Variants in KATNA1 observed in about 807,000 individuals in gnomAD.
KATNA1 encodes katanin catalytic subunit A1.
Under a neutral mutation model 62.6 loss-of-function variants are expected in KATNA1, and 42 were observed. The observed-to-expected ratio is 0.67, with a 90% CI of 0.52 to 0.87. KATNA1 has a LOEUF of 0.87. Ranked by LOEUF, KATNA1 falls within the 40% of genes least tolerant of loss-of-function variation. The probability of loss-of-function intolerance (pLI) is 0.00; values close to 1 mark genes in which losing one functional copy is unlikely to be tolerated. For missense variants in KATNA1, 498 were observed against 612.5 expected (o/e 0.81, Z 1.97); for synonymous variants, 186 against 201.9 (o/e 0.92, Z 0.67).
At chr6:149,626,760 G>T (rs1779626370) in intron 3 of KATNA1, among the ~76,000 whole-genome samples, 1 of 151,218 alleles carries the variant, frequency 6.6e-6, no homozygotes, top group Non-Finnish European at 1.5e-5. Context: ...GAGGCAGGTG[G>T]ATCACCTGAG....
Position 149,595,020 on chromosome 6 carries a change from GTT to G in KATNA1, c.*14_*15del. On this transcript the variant is annotated 3_prime_UTR_variant, in exon 11 of 11. Transcript: ENST00000367411. ...AAACACTTAAGGCACATTTCTCACA[GTT>G]TACATGTGAGAATTTAGCATGATCC... The G allele has an allele frequency of 6.3e-7, 1 of 1,586,500 alleles. No homozygotes were observed. Among genetic ancestry groups the G allele is most frequent in the South Asian group, 1.1e-5 (1 of 90,494 alleles).
chr6:149,647,879 T>A (rs888434918), intron 1 of KATNA1, among the ~76,000 whole-genome samples: 1 of 152,236 alleles, frequency 6.6e-6, no homozygotes, highest in Admixed American at 6.5e-5. Flanking sequence ...GATTATCCAC[T>A]GTAAGGCACT....
intron 10 of KATNA1, among the ~76,000 whole-genome samples, chr6:149,596,580 T>C (rs1047137287): frequency 2.6e-5 from 4 of 151,968 alleles, no homozygotes; most frequent in African/African-American, 9.7e-5. Context: ...TCATCTTTTT[T>C]TTTTTTCTTT....
intron 5 of KATNA1, 29 bp downstream of exon 5, chr6:149,604,631 AC>A (rs748568671): frequency 3.1e-6 from 5 of 1,611,830 alleles, no homozygotes; most frequent in Non-Finnish European, 3.4e-6. Flanking sequence ...CATCACCAGC[AC>A]CCAATTATTT....
At position 149,594,974 on chromosome 6, in the gene KATNA1, GA is replaced by G. The variant is rs1778240539; in HGVS notation, c.*61del. On this transcript the variant is annotated 3_prime_UTR_variant, in exon 11 of 11. Transcript: ENST00000367411. ...AAAAAAATATAGCACTCAGTACAAT[GA>G]ATTACTGCATTTAATATTCAAACAC... 1.5e-6 allele frequency: 2 copies of G among 1,309,070 alleles called. No homozygotes were observed. Among genetic ancestry groups the G allele is most frequent in the Admixed American group, 1.8e-5 (1 of 56,116 alleles). The allele number at this position is 1,309,070 out of a possible 1,614,324, so 81.1% of individuals were successfully genotyped here.
rs201603433 is a variant in KATNA1 at position 149,640,528 on chromosome 6, GT to G, written c.-13-1969del. On this transcript the variant is annotated intron_variant, in intron 1 of 10. Coordinates refer to ENST00000367411, the MANE Select transcript of KATNA1 (RefSeq NM_007044.4). ...GATGATTTCTGTAAGTATGGTGGGG[GT>G]TTTTTTGGGTTTTTTTGGGTTTTGT... 4.6e-3 allele frequency among the ~76,000 whole-genome samples: 687 copies of G among 150,402 alleles called. 4 individuals carry two copies. Among genetic ancestry groups the G allele is most frequent in the African/African-American group, 0.016 (655 of 40,378 alleles).
chr6:149,602,782 C>T (rs923561892), intron 6 of KATNA1, among the ~76,000 whole-genome samples: 1 of 149,504 alleles, frequency 6.7e-6, no homozygotes, highest in Non-Finnish European at 1.5e-5. Context: ...AGTGCAATGG[C>T]GTGATCTCAG....
intron 3 of KATNA1, among the ~76,000 whole-genome samples, chr6:149,630,346 C>A (rs1408261437): frequency 6.6e-6 from 1 of 152,126 alleles, no homozygotes; most frequent in Non-Finnish European, 1.5e-5. Context: ...ATAAAAGTTG[C>A]GGCTGGGTGC....
At chr6:149,602,148 C>T (rs1353567086) in intron 6 of KATNA1, among the ~76,000 whole-genome samples, 5 of 152,060 alleles carry the variant, frequency 3.3e-5, no homozygotes, top group Admixed American at 2.6e-4. Flanking sequence ...AGGCAGATCA[C>T]GAGGTCAGGA....
In KATNA1 at chr6:149,648,586, CG is replaced by C. The variant is rs570287386; in HGVS notation, c.-132del. On this transcript the variant is annotated 5_prime_UTR_variant, in exon 1 of 11. Transcript: ENST00000367411. ...ACCCAGTCCAGCCCACTTTGCTCTC[CG>C]CTCACGGCCCCAGTACTGCCCAGTT... 2.0e-5 allele frequency: 3 copies of C among 152,524 alleles called. No individual in the cohort carries two copies. The South Asian group carries it at 6.2e-4, about 32-fold the overall frequency. The allele number at this position is 152,524 out of a possible 1,614,324, so 9.4% of individuals were successfully genotyped here.
Position 149,597,100 on chromosome 6 carries a change from C to T in KATNA1, c.1240G>A (p.Glu414Lys). ...GTAATGTCCGCACCTGAATAACCTT[C>T]CATGTTTTCTGCTATACTTGCAAGG... ...VDLASIAENM[E>K]GYSGADITNV... The change falls in exon 10 of 11, where the codon GAA (glutamate) becomes AAA (lysine). Residue 414 changes from glutamate (E) to lysine (K), a missense_variant. Glu to Lys is a moderately conservative substitution (Grantham distance 56, BLOSUM62 1). Around this residue, in one of 3 missense-constraint regions of KATNA1, gnomAD observed 267 missense variants for 372.6 expected, o/e 0.72. Coordinates refer to ENST00000367411, the MANE Select transcript of KATNA1 (RefSeq NM_007044.4). 6.2e-7 allele frequency: 1 copy of T among 1,614,140 alleles called. No individual in the cohort carries two copies. Among genetic ancestry groups the T allele is most frequent in the Non-Finnish European group, 8.5e-7 (1 of 1,179,986 alleles).
intron 2 of KATNA1, among the ~76,000 whole-genome samples, chr6:149,637,371 C>T (rs1216803399): frequency 2.0e-5 from 3 of 152,030 alleles, no homozygotes; most frequent in Non-Finnish European, 4.4e-5. Flanking sequence ...AGACTGCACT[C>T]CCTCCTGGGC....
intron 3 of KATNA1, among the ~76,000 whole-genome samples, chr6:149,629,854 A>G (rs1779764768): frequency 6.6e-6 from 1 of 152,216 alleles, no homozygotes; most frequent in Non-Finnish European, 1.5e-5. Flanking sequence ...AAATGTTTAA[A>G]ATATGAAGAG....
intron 8 of KATNA1, 48 bp from the exon 9 acceptor site, chr6:149,597,689 T>C (rs756966160): frequency 1.3e-6 from 2 of 1,558,934 alleles, no homozygotes; most frequent in Non-Finnish European, 1.8e-6. Context: ...AGTTGGATTA[T>C]ACCAAATGAA....
At chr6:149,626,801 T>A (rs889097929) in intron 3 of KATNA1, among the ~76,000 whole-genome samples, 1 of 148,800 alleles carries the variant, frequency 6.7e-6, no homozygotes, top group Non-Finnish European at 1.5e-5. Context: ...CTGGCCAACA[T>A]GGTAAAACCC....
intron 4 of KATNA1, among the ~76,000 whole-genome samples, chr6:149,613,473 T>C (rs1460594382): frequency 6.6e-6 from 1 of 152,088 alleles, no homozygotes; most frequent in African/African-American, 2.4e-5. Context: ...CTAAGGAATC[T>C]ACAAAAATTC....
At chr6:149,601,232 C>T (rs1041096377) in intron 7 of KATNA1, among the ~76,000 whole-genome samples, 8 of 152,122 alleles carry the variant, frequency 5.3e-5, no homozygotes, top group African/African-American at 1.9e-4. Flanking sequence ...CTAAGTTCCA[C>T]AATAAATTAT....
intron 1 of KATNA1, among the ~76,000 whole-genome samples, chr6:149,641,264 C>T (rs1780274173): frequency 1.3e-5 from 2 of 151,660 alleles, no homozygotes; most frequent in African/African-American, 2.4e-5. Flanking sequence ...GCAAGCTCCG[C>T]CTCCCGGGTT....
intron 6 of KATNA1, among the ~76,000 whole-genome samples, chr6:149,602,446 T>C (rs1470683890): frequency 1.3e-5 from 2 of 152,156 alleles, no homozygotes; most frequent in Admixed American, 1.3e-4. Context: ...TCACTTAATG[T>C]ATAAAGGATT....
Sources: allele counts gnomAD v4.1 joint callset (sites outside exome capture counted in the v4.1 genomes callset), GRCh38; gene constraint gnomAD v4.1.1; regional missense constraint gnomAD v4.1.1; transcripts MANE v1.5; gene names NCBI Gene and HGNC (gene_info 2026-07-23, HGNC 2026-07-21).